Variants in DSCAML1 observed in about 807,000 individuals in gnomAD.
The protein encoded by DSCAML1 is cell adhesion molecule DSCAML1.
DSCAML1 carries 38 observed loss-of-function variants against 200.5 expected under a neutral mutation model. That is an observed-to-expected ratio of 0.19 (90% confidence interval 0.15 to 0.25). The LOEUF is 0.25. Among genes scored for constraint, DSCAML1 ranks in the 10% least tolerant of loss-of-function variants. The probability of loss-of-function intolerance (pLI) is 1.00; values close to 1 mark genes in which losing one functional copy is unlikely to be tolerated. For synonymous variants in DSCAML1, 1,215 were observed against 1,165.0 expected, an observed-to-expected ratio of 1.04 and a Z score of -0.87; for missense variants, 2,223 against 2,858.8, an observed-to-expected ratio of 0.78 and a Z score of 5.07.
chr11:117,654,855 G>A (rs1195761871), intron 3 of DSCAML1, among the ~76,000 whole-genome samples: 2 of 152,016 alleles, frequency 1.3e-5, no homozygotes, highest in African/African-American at 2.4e-5. Flanking sequence ...GGGTAGGAAC[G>A]GCAATGCTTT....
chr11:117,782,674 G>T (rs1056655878), intron 1 of DSCAML1, among the ~76,000 whole-genome samples: 7 of 152,110 alleles, frequency 4.6e-5, no homozygotes, highest in Non-Finnish European at 8.8e-5. Context: ...ACACTTAGCA[G>T]GTCCCACTTC....
chr11:117,429,018 C>T (rs920467906), intron 32 of DSCAML1, among the ~76,000 whole-genome samples: 3 of 152,158 alleles, frequency 2.0e-5, no homozygotes, highest in African/African-American at 7.2e-5. Flanking sequence ...TCTTACTTCC[C>T]CACAGGATTA....
chr11:117,563,797 G>C (rs973118851), intron 3 of DSCAML1, among the ~76,000 whole-genome samples: 13 of 152,152 alleles, frequency 8.5e-5, no homozygotes, highest in Non-Finnish European at 1.8e-4. Context: ...CCATTCTGAG[G>C]GCAGATTTGC....
At chr11:117,638,078 T>C (rs983571701) in intron 3 of DSCAML1, among the ~76,000 whole-genome samples, 3 of 152,190 alleles carry the variant, frequency 2.0e-5, no homozygotes, top group African/African-American at 7.2e-5. Flanking sequence ...TTCTTCAAGC[T>C]GGGCTCTCCT....
rs1657825693 is a variant in DSCAML1, at chr11:117,489,360, G to A, written c.2360-7198C>T. ...AGCCACAAAAGCACCTCACTGCTCT[G>A]TAGGGCACAGGAGGCTTTAATGAAA... is the stretch of plus-strand genomic sequence containing the variant. On this transcript the variant is annotated intron_variant, in intron 11 of 32. Coordinates refer to ENST00000651296, the MANE Select transcript of DSCAML1 (RefSeq NM_020693.4). The surrounding 1 kb of genome is among the most constrained non-coding windows in gnomAD (Gnocchi z 4.8). Among the ~76,000 whole-genome samples the A allele has an allele frequency of 6.6e-6, 1 of 152,208 alleles. No individual in the cohort carries two copies. Among genetic ancestry groups the A allele is most frequent in the South Asian group, 2.1e-4 (1 of 4,834 alleles).
intron 1 of DSCAML1, among the ~76,000 whole-genome samples, chr11:117,809,340 C>T (rs2055736526): frequency 6.6e-6 from 1 of 152,234 alleles, no homozygotes; most frequent in Non-Finnish European, 1.5e-5. Flanking sequence ...GAGCCCTCCT[C>T]CCCGCTGTGC....
At chr11:117,701,734 C>T (rs926147167) in intron 3 of DSCAML1, among the ~76,000 whole-genome samples, 3 of 152,204 alleles carry the variant, frequency 2.0e-5, no homozygotes, top group Non-Finnish European at 4.4e-5. Context: ...TAGCCCACTC[C>T]TTCTTGTCTG....
rs2053771268 is a variant in DSCAML1, at chr11:117,707,134, C to A, written c.511+69657G>T. Among the ~76,000 whole-genome samples the A allele has an allele frequency of 3.9e-5, 6 of 152,164 alleles. No individual in the cohort carries two copies. In the South Asian group the frequency reaches 1.2e-3, roughly 32 times the overall value. On this transcript the variant is annotated intron_variant, in intron 3 of 32. Coordinates refer to ENST00000651296, the MANE Select transcript of DSCAML1 (RefSeq NM_020693.4). ...AGCCTGTCCTTTGTGGGTGTCAGTG[C>A]CTCAAGTTCCTGACATGAATGCCCT...
chr11:117,657,300 C>G (rs543285301), intron 3 of DSCAML1, among the ~76,000 whole-genome samples: 20 of 152,282 alleles, frequency 1.3e-4, no homozygotes, highest in Non-Finnish European at 2.1e-4. Flanking sequence ...AATGAGCCAG[C>G]CAGAGAGAGC....
chr11:117,465,210 A>G, intron 16 of DSCAML1, 28 bp from the exon 17 acceptor site: 1 of 1,608,578 alleles, frequency 6.2e-7, no homozygotes, highest in Non-Finnish European at 8.5e-7. Flanking sequence ...GGGTGGGCAC[A>G]AAGAAATGGC....
At chr11:117,685,540 G>T (rs1192041048) in intron 3 of DSCAML1, among the ~76,000 whole-genome samples, 2 of 152,186 alleles carry the variant, frequency 1.3e-5, no homozygotes, top group African/African-American at 4.8e-5. Flanking sequence ...CCCTAGGTAA[G>T]AGGGTCTGTG....
In DSCAML1 at chr11:117,504,746, G is replaced by A. The variant is rs2276341; in HGVS notation, c.2182+178C>T. ...GGCTGTTCCTGGTCCACAGACCCCC[G>A]GGGGTGGCTGAGGATGACTCCAGGT... is the stretch of plus-strand genomic sequence containing the variant. On this transcript the variant is annotated intron_variant, in intron 10 of 32. Coordinates refer to ENST00000651296, the MANE Select transcript of DSCAML1 (RefSeq NM_020693.4). The surrounding 1 kb of genome is among the most constrained non-coding windows in gnomAD (Gnocchi z 5.0). 0.43 allele frequency among the ~76,000 whole-genome samples: 66,018 copies of A among 151,864 alleles called. 14,517 individuals carry two copies. The highest frequency in any genetic ancestry group is 0.55 in the South Asian group (2,647 of 4,798).
chr11:117,609,483 A>T (rs563977516), intron 3 of DSCAML1, among the ~76,000 whole-genome samples: 24 of 151,826 alleles, frequency 1.6e-4, no homozygotes, highest in African/African-American at 5.3e-4. Context: ...AATTAAAAAA[A>T]CATTGTAGAG....
intron 1 of DSCAML1, among the ~76,000 whole-genome samples, chr11:117,811,785 C>T (rs1591527713): frequency 1.3e-5 from 2 of 152,316 alleles, no homozygotes; most frequent in South Asian, 2.1e-4. Flanking sequence ...CGTAGACCAT[C>T]GCGGATGCCG....
Position 117,461,478 on chromosome 11 carries a change from G to A in DSCAML1, c.3384C>T (p.Val1128=). Residue 1128 remains valine, a synonymous_variant, in exon 18 of 33, where the codon GTC becomes GTT. Transcript: ENST00000651296. ...CATCAACATAGAGGGACCAGAAGAT[G>A]ACCCGATAGCCTTTGAGGACGCCAT... ...TLNGVLKGYR[V]IFWSLYVDGE... 1.9e-6 allele frequency: 3 copies of A among 1,614,216 alleles called. No homozygotes were observed.
chr11:117,604,805 T>A (rs920046581), intron 3 of DSCAML1, among the ~76,000 whole-genome samples: 7 of 152,246 alleles, frequency 4.6e-5, no homozygotes, highest in Non-Finnish European at 1.0e-4. Flanking sequence ...TGGAAAAAGA[T>A]CTCTCCCATG....
chr11:117,694,368 T>C (rs1292229164), intron 3 of DSCAML1, among the ~76,000 whole-genome samples: 1 of 148,806 alleles, frequency 6.7e-6, no homozygotes, highest in Non-Finnish European at 1.5e-5. Flanking sequence ...ATAGCACCAC[T>C]CCACTCTAGC....
At chr11:117,554,963 C>T (rs2050535027) in intron 3 of DSCAML1, among the ~76,000 whole-genome samples, 1 of 152,212 alleles carries the variant, frequency 6.6e-6, no homozygotes, top group Admixed American at 6.5e-5. Flanking sequence ...TTCCACGTCC[C>T]CTGCCTCTTC....
At chr11:117,556,229 A>G (rs1449560384) in intron 3 of DSCAML1, among the ~76,000 whole-genome samples, 1 of 152,156 alleles carries the variant, frequency 6.6e-6, no homozygotes, top group Non-Finnish European at 1.5e-5. Context: ...GATGGGGAGA[A>G]GGGACATCCT....
Sources: gnomAD v4.1 joint callset for allele counts (sites outside exome capture counted in the v4.1 genomes callset) on GRCh38, gnomAD v4.1.1 for gene constraint, Gnocchi (gnomAD v3.1) non-coding constraint, MANE v1.5 for transcripts, NCBI Gene and HGNC (gene_info 2026-07-23, HGNC 2026-07-21) for gene names.